The following TMEM51 variants were observed in gnomAD, a reference collection of about 807,000 sequenced individuals.
TMEM51 encodes the protein transmembrane protein 51.
Under a neutral mutation model 13.6 loss-of-function variants are expected in TMEM51, and 8 were observed. The ratio of observed to expected loss-of-function variants is 0.59; its 90% CI spans 0.35 to 1.07. The LOEUF is 1.07. Ranked by LOEUF, TMEM51 falls within the 50% of genes least tolerant of loss-of-function variation. TMEM51 has a pLI of 0.02. For missense variants in TMEM51, 279 were observed against 330.7 expected, an observed-to-expected ratio of 0.84 and a Z score of 1.21; for synonymous variants, 147 against 144.4, an observed-to-expected ratio of 1.02 and a Z score of -0.13.
intron 1 of TMEM51, among the ~76,000 whole-genome samples, chr1:15,204,542 G>A (rs557953414): frequency 9.8e-5 from 15 of 152,286 alleles, no homozygotes; most frequent in Middle Eastern, 3.4e-3. Flanking sequence ...GTGAGAGAGC[G>A]AGACCTCATT....
At chr1:15,168,515 G>T (rs760288921) in intron 1 of TMEM51, 2 of 1,304,634 alleles carry the variant, frequency 1.5e-6, no homozygotes, top group Non-Finnish European at 2.0e-6. Flanking sequence ...TTGGTTTTAT[G>T]ATTGGAAGCT....
intron 1 of TMEM51, among the ~76,000 whole-genome samples, chr1:15,201,038 C>G (rs2100311337): frequency 6.6e-6 from 1 of 152,314 alleles, no homozygotes; most frequent in South Asian, 2.1e-4. Flanking sequence ...TGTTTACTTA[C>G]CCAATAGTTG....
intron 1 of TMEM51, among the ~76,000 whole-genome samples, chr1:15,164,179 T>C (rs1322860207): frequency 2.0e-5 from 3 of 152,032 alleles, no homozygotes; most frequent in African/African-American, 7.3e-5. Flanking sequence ...AGCTAAGAAA[T>C]TGACATCACA....
At chr1:15,160,308 CTG>C (rs765678993) in intron 1 of TMEM51, among the ~76,000 whole-genome samples, 63 of 152,276 alleles carry the variant, frequency 4.1e-4, no homozygotes, top group Admixed American at 1.9e-3. Context: ...GAGTGTCACT[CTG>C]TTGCCCAGGC....
Position 15,219,476 on chromosome 1 carries a change from G to A in TMEM51, c.495G>A (p.Thr165=), listed in dbSNP as rs748435182. 44 of 1,613,988 alleles carry A rather than the reference G, an allele frequency of 2.7e-5. No individual in the cohort carries two copies. The highest frequency in any genetic ancestry group is 5.3e-5 in the African/African-American group (4 of 74,924). Residue 165 remains threonine (T), a synonymous_variant, in exon 4 of 4, where the codon ACG becomes ACA. Coordinates refer to ENST00000376008, the MANE Select transcript of TMEM51 (RefSeq NM_001136218.2). ...SISLPSYESL[T]GLDETTPTST... is the part of the protein sequence containing the mutation. ...CTCTCCCGTCCTATGAGTCACTGAC[G>A]GGGCTCGACGAGACCACCCCCACAT...
intron 1 of TMEM51, among the ~76,000 whole-genome samples, chr1:15,204,454 T>C (rs1644213654): frequency 6.6e-6 from 1 of 152,222 alleles, no homozygotes; most frequent in African/African-American, 2.4e-5. Flanking sequence ...GTTGGGAGGC[T>C]GAGTCAAGGA....
intron 1 of TMEM51, among the ~76,000 whole-genome samples, chr1:15,157,276 G>A (rs1231998498): frequency 6.6e-6 from 1 of 152,166 alleles, no homozygotes; most frequent in Non-Finnish European, 1.5e-5. Flanking sequence ...GTTTACTTGG[G>A]CGGAGCAACC....
intron 1 of TMEM51, among the ~76,000 whole-genome samples, chr1:15,166,727 A>G (rs751133262): frequency 3.9e-5 from 6 of 152,148 alleles, no homozygotes; most frequent in Non-Finnish European, 8.8e-5. Flanking sequence ...TCAAAAAAAG[A>G]AAGAAAAGAA....
At chr1:15,211,168 T>C (rs1644332734) in intron 2 of TMEM51, among the ~76,000 whole-genome samples, 1 of 152,228 alleles carries the variant, frequency 6.6e-6, no homozygotes, top group South Asian at 2.1e-4. Flanking sequence ...CCGAGTGTTG[T>C]GAAACTTAGT....
chr1:15,155,944 C>T (rs1389860923), intron 1 of TMEM51, among the ~76,000 whole-genome samples: 1 of 152,170 alleles, frequency 6.6e-6, no homozygotes, highest in East Asian at 1.9e-4. Flanking sequence ...TGGAAGTTGG[C>T]GAGGATCCTA....
chr1:15,200,407 CAAAAAAAA>C (rs55755539), intron 1 of TMEM51, among the ~76,000 whole-genome samples: 15 of 67,962 alleles, frequency 2.2e-4, no homozygotes, highest in East Asian at 5.6e-4. Flanking sequence ...GACTCTGTCT[CAAAAAAAA>C]AAAAAAAAAA....
At position 15,215,481 on chromosome 1, in the gene TMEM51, C is replaced by T. The variant is rs566699218; in HGVS notation, c.344+50C>T. 8.8e-6 allele frequency: 13 copies of T among 1,470,530 alleles called. No individual in the cohort carries two copies. In the South Asian group the frequency reaches 9.2e-5, roughly 10 times the overall value. The allele number at this position is 1,470,530 out of a possible 1,614,324, so 91.1% of individuals were successfully genotyped here. A position where few individuals can be genotyped will look rare whatever the true frequency, so the allele number is the denominator to read the frequency against. Reference sequence around the variant, plus strand: ...TCCCCGGATCGGGGATGGGCACGCACGCATGCACACACATGTTCACACCTT... The same window carrying T: ...TCCCCGGATCGGGGATGGGCACGCATGCATGCACACACATGTTCACACCTT... On this transcript the variant is annotated intron_variant, in intron 3 of 3. Coordinates refer to ENST00000376008, the MANE Select transcript of TMEM51 (RefSeq NM_001136218.2).
At chr1:15,217,457 G>C (rs574805293) in intron 3 of TMEM51, among the ~76,000 whole-genome samples, 1 of 152,286 alleles carries the variant, frequency 6.6e-6, no homozygotes, top group East Asian at 1.9e-4. Flanking sequence ...GGGTTCTCCA[G>C]AGACACAGAA....
chr1:15,198,428 A>AT (rs1199187560), intron 1 of TMEM51, among the ~76,000 whole-genome samples: 1 of 152,048 alleles, frequency 6.6e-6, no homozygotes, highest in African/African-American at 2.4e-5. Context: ...TATTACTATT[A>AT]TTTTTTGAAA....
At chr1:15,160,292 G>A (rs1000597239) in intron 1 of TMEM51, among the ~76,000 whole-genome samples, 4 of 152,008 alleles carry the variant, frequency 2.6e-5, no homozygotes, top group African/African-American at 9.7e-5. Flanking sequence ...TATTTCTTTT[G>A]AGACAGAGTG....
chr1:15,161,943 G>C lies in TMEM51; in HGVS notation c.-267+7989G>C, dbSNP rs1642795334. Reference sequence around the variant, plus strand: ...ACTCCATCTCAAAAAAAGAGAGAAAGAGGTTTATTTAGCCCATGGCATCTC... The same window carrying C: ...ACTCCATCTCAAAAAAAGAGAGAAACAGGTTTATTTAGCCCATGGCATCTC... On this transcript the variant is annotated intron_variant, in intron 1 of 3. Coordinates refer to ENST00000376008, the MANE Select transcript of TMEM51 (RefSeq NM_001136218.2). This position sits in a 1 kb window ranked among gnomAD's most constrained non-coding sequence, Gnocchi z 4.0. 6.6e-6 allele frequency among the ~76,000 whole-genome samples: 1 copy of C among 151,938 alleles called. No individual in the cohort carries two copies. The highest frequency in any genetic ancestry group is 1.5e-5 in the Non-Finnish European group (1 of 68,006).
intron 1 of TMEM51, among the ~76,000 whole-genome samples, chr1:15,182,198 A>G (rs59621753): frequency 1.3e-3 from 164 of 130,896 alleles, no homozygotes; most frequent in African/African-American, 4.1e-3. Context: ...ATAAATAAAT[A>G]AATAAATAAC....
intron 1 of TMEM51, among the ~76,000 whole-genome samples, chr1:15,186,251 A>G (rs961981752): frequency 5.3e-5 from 8 of 152,242 alleles, no homozygotes; most frequent in Non-Finnish European, 7.3e-5. Flanking sequence ...GTTCTTGAGC[A>G]GGAAGTAACT....
chr1:15,198,197 T>G (rs1260405418), intron 1 of TMEM51, among the ~76,000 whole-genome samples: 2 of 152,022 alleles, frequency 1.3e-5, no homozygotes, highest in African/African-American at 4.8e-5. Flanking sequence ...GAGACATGTC[T>G]CCTCATTTAA....
Sources: gnomAD v4.1 joint callset for allele counts (sites outside exome capture counted in the v4.1 genomes callset) on GRCh38, gnomAD v4.1.1 for gene constraint, Gnocchi (gnomAD v3.1) non-coding constraint, MANE v1.5 for transcripts, NCBI Gene and HGNC (gene_info 2026-07-23, HGNC 2026-07-21) for gene names.